CLIP2: variants seen among roughly 807,000 people sequenced by gnomAD.
CLIP2 encodes CAP-Gly domain-containing linker protein 2.
A neutral mutation model predicts 111.7 loss-of-function variants in CLIP2; 41 were observed. The ratio of observed to expected loss-of-function variants is 0.37; its 90% CI spans 0.29 to 0.48. The LOEUF is 0.48. CLIP2 is among the 20% of genes least tolerant of loss of function. The pLI is 0.99. For missense variants in CLIP2, 1,160 were observed against 1,422.1 expected (o/e 0.82, Z 2.96); for synonymous variants, 660 against 644.2 (o/e 1.02, Z -0.37).
intron 3 of CLIP2, among the ~76,000 whole-genome samples, chr7:74,347,484 G>T (rs1554306570): frequency 6.6e-6 from 1 of 152,140 alleles, no homozygotes; most frequent in African/African-American, 2.4e-5. Context: ...TGGCCAGGCT[G>T]GTCTCGATCT....
At chr7:74,363,163 C>T (rs1584362103) in intron 7 of CLIP2, among the ~76,000 whole-genome samples, 1 of 152,162 alleles carries the variant, frequency 6.6e-6, no homozygotes. Flanking sequence ...CGCCACCACG[C>T]CCCGCTAATT....
At chr7:74,292,618 C>G (rs1788057229) in intron 1 of CLIP2, among the ~76,000 whole-genome samples, 1 of 152,096 alleles carries the variant, frequency 6.6e-6, no homozygotes, top group Non-Finnish European at 1.5e-5. Flanking sequence ...AAACTCCTGA[C>G]CTCAAGTGAT....
intron 13 of CLIP2, among the ~76,000 whole-genome samples, chr7:74,394,735 G>A (rs551951511): frequency 1.3e-5 from 2 of 152,208 alleles, no homozygotes; most frequent in Non-Finnish European, 2.9e-5. Flanking sequence ...ATGCGATGAG[G>A]CAATCTAGGA....
At chr7:74,353,260 T>G (rs1455806150) in intron 3 of CLIP2, among the ~76,000 whole-genome samples, 1 of 151,888 alleles carries the variant, frequency 6.6e-6, no homozygotes, top group Non-Finnish European at 1.5e-5. Flanking sequence ...ACCCTTTTTT[T>G]TTTTTTTTGA....
intron 8 of CLIP2, 32 bp from the exon 9 acceptor site, chr7:74,372,900 C>A (rs1554312197): frequency 3.4e-6 from 3 of 889,174 alleles, no homozygotes; most frequent in Non-Finnish European, 3.5e-6. Flanking sequence ...CCCGCCCCCA[C>A]CCCCCCACCG....
intron 11 of CLIP2, among the ~76,000 whole-genome samples, chr7:74,383,049 C>T (rs1222180631): frequency 1.4e-5 from 2 of 143,800 alleles, no homozygotes; most frequent in Non-Finnish European, 3.0e-5. Flanking sequence ...CACTGCACTC[C>T]AGCCTGAGCA....
At chr7:74,295,641 T>C (rs781873886) in intron 1 of CLIP2, among the ~76,000 whole-genome samples, 1 of 152,182 alleles carries the variant, frequency 6.6e-6, no homozygotes, top group South Asian at 2.1e-4. Context: ...TTGTGTGTTC[T>C]TCATCTGATT....
chr7:74,400,140 ACT>A (rs1485063121), intron 14 of CLIP2, among the ~76,000 whole-genome samples: 2 of 136,730 alleles, frequency 1.5e-5, no homozygotes, highest in Non-Finnish European at 3.1e-5. Context: ...ATAGAGCGAG[ACT>A]CTGTCTCAAA....
intron 3 of CLIP2, among the ~76,000 whole-genome samples, chr7:74,344,562 T>A (rs1554305954): frequency 6.6e-6 from 1 of 152,010 alleles, no homozygotes; most frequent in Non-Finnish European, 1.5e-5. Context: ...TTTTAATTTT[T>A]ATTATTTATT....
At chr7:74,295,989 C>CAAATAAA (rs1788157525) in intron 1 of CLIP2, among the ~76,000 whole-genome samples, 1 of 70,984 alleles carries the variant, frequency 1.4e-5, no homozygotes, top group East Asian at 4.2e-4. Flanking sequence ...ACCCTGTCTC[C>CAAATAAA]AAAAAAAAAA....
intron 1 of CLIP2, among the ~76,000 whole-genome samples, chr7:74,302,538 AGTGAGAAAGGTAGCATGTGGGACCG>A (rs1554727006): frequency 2.1e-4 from 32 of 152,220 alleles, no homozygotes; most frequent in African/African-American, 7.5e-4. Flanking sequence ...GCTCGGACAT[AGTGAGAAAGGTAGCATGTGGGACCG>A]GAACCCAGGC....
At chr7:74,373,143 CTTT>C in intron 9 of CLIP2, 107 bp downstream of exon 9, 2 of 663,314 alleles carry the variant, frequency 3.0e-6, no homozygotes, top group Non-Finnish European at 5.1e-6. Context: ...CTGCTATCAT[CTTT>C]TTTATTTTTA....
At chr7:74,388,829 T>C (rs1554315283) in intron 12 of CLIP2, 1 of 286,280 alleles carries the variant, frequency 3.5e-6, no homozygotes, top group East Asian at 6.9e-5. Flanking sequence ...GATGGTGCAC[T>C]CCTGTAGTCC....
rs1233277299 is a variant in CLIP2 at position 74,317,518 on chromosome 7, C to A, written c.-29C>A. 3 of 1,395,894 alleles carry A rather than the reference C, an allele frequency of 2.1e-6. No individual in the cohort carries two copies. Among genetic ancestry groups the A allele is most frequent in the Middle Eastern group, 1.9e-4 (1 of 5,172 alleles). 86.5% of individuals were successfully genotyped at this position (1,395,894 alleles called of 1,614,324 possible). Reference sequence around the variant, plus strand: ...GCAGAGAGGACGTGACCAGCACTCACCCTTGTCCACCTGCCCAGTGGCACC... The same window carrying A: ...GCAGAGAGGACGTGACCAGCACTCAACCTTGTCCACCTGCCCAGTGGCACC... On this transcript the variant is annotated 5_prime_UTR_variant, in exon 2 of 17. Coordinates refer to ENST00000223398, the MANE Select transcript of CLIP2 (RefSeq NM_003388.5).
At chr7:74,293,171 C>T (rs1232292032) in intron 1 of CLIP2, among the ~76,000 whole-genome samples, 5 of 152,136 alleles carry the variant, frequency 3.3e-5, no homozygotes, top group African/African-American at 1.2e-4. Flanking sequence ...TATTTTGTTG[C>T]AAGGAACAGG....
chr7:74,376,085 G>A lies in CLIP2; in HGVS notation c.1684G>A (p.Val562Met), dbSNP rs1790775849. ...CAAGGAACACCAGAGGGAGAGTGGGGTGCTGCGGGATAAATACGAGAAGGC... is the reference window on the plus strand; with the variant it reads ...CAAGGAACACCAGAGGGAGAGTGGGATGCTGCGGGATAAATACGAGAAGGC... ...ASKEHQRESGVLRDKYEKALK... is the reference protein window; with the variant it reads ...ASKEHQRESGMLRDKYEKALK... Residue 562 changes from valine (V) to methionine (M), a missense_variant, in exon 10 of 17, where the codon GTG (valine) becomes ATG (methionine). Physicochemically the swap from Val to Met is conservative, Grantham distance 21 (BLOSUM62 1). Transcript: ENST00000223398. This position sits in a 1 kb window ranked among gnomAD's most constrained non-coding sequence, Gnocchi z 7.1. 1 of 1,612,476 alleles carries A rather than the reference G, an allele frequency of 6.2e-7. No homozygotes were observed. The highest frequency in any genetic ancestry group is 1.3e-5 in the African/African-American group (1 of 75,030).
chr7:74,401,242 C>T (rs28392172), intron 15 of CLIP2, among the ~76,000 whole-genome samples: 3,304 of 152,282 alleles, frequency 0.022, 115 homozygotes, highest in African/African-American at 0.075. Flanking sequence ...GTCCTGGGAA[C>T]CCAGCTGAAA....
Position 74,338,953 on chromosome 7 carries a change from C to A in CLIP2, c.627C>A (p.Ser209Arg). 5 of 1,599,730 alleles carry A rather than the reference C, an allele frequency of 3.1e-6. No homozygotes were observed. Among genetic ancestry groups the A allele is most frequent in the Non-Finnish European group, 4.2e-6 (5 of 1,179,848 alleles). Residue 209 changes from serine (S) to arginine (R), a missense_variant, in exon 3 of 17, where the codon AGC becomes AGA. Ser to Arg is a moderately radical substitution (Grantham distance 110). Transcript: ENST00000223398. This position sits in a 1 kb window ranked among gnomAD's most constrained non-coding sequence, Gnocchi z 4.3. Reference protein sequence around the residue: ...GNESGSNLSDSGSVKRGEKDL... With the variant: ...GNESGSNLSDRGSVKRGEKDL... ...AGTCGGGATCCAACCTCTCAGACAG[C>A]GGCTCTGTGAAGCGGGGCGAAAAGG... is the stretch of plus-strand genomic sequence containing the variant.
chr7:74,348,041 G>T (rs916791204), intron 3 of CLIP2, among the ~76,000 whole-genome samples: 1 of 151,990 alleles, frequency 6.6e-6, no homozygotes, highest in African/African-American at 2.4e-5. Flanking sequence ...CTAGCTGGGC[G>T]TGGTGGCAGG....
Sources: allele counts gnomAD v4.1 joint callset (sites outside exome capture counted in the v4.1 genomes callset), GRCh38; gene constraint gnomAD v4.1.1; non-coding constraint Gnocchi (gnomAD v3.1); transcripts MANE v1.5; gene names NCBI Gene and HGNC (gene_info 2026-07-23, HGNC 2026-07-21).